Variants in PTPRD observed in about 807,000 individuals in gnomAD.
PTPRD encodes the protein protein tyrosine phosphatase receptor type D.
PTPRD carries 34 observed loss-of-function variants against 214.5 expected under a neutral mutation model. That is an observed-to-expected ratio of 0.16 (90% CI 0.12 to 0.21). The LOEUF is 0.21. Ranked by LOEUF, PTPRD falls within the 10% of genes least tolerant of loss-of-function variation. The pLI is 1.00. For missense variants in PTPRD, 2,545 were observed against 2,398.7 expected (o/e 1.06, Z -1.27); for synonymous variants, 1,128 against 845.7 (o/e 1.33, Z -5.79).
At chr9:10,094,043 A>G (rs1427691522) in intron 3 of PTPRD, among the ~76,000 whole-genome samples, 1 of 151,374 alleles carries the variant, frequency 6.6e-6, no homozygotes, top group Admixed American at 6.6e-5. Context: ...GCATCATGCA[A>G]TATATCCACA....
chr9:8,321,823 T>C (rs1334314329), intron 44 of PTPRD, among the ~76,000 whole-genome samples: 1 of 152,026 alleles, frequency 6.6e-6, no homozygotes, highest in African/African-American at 2.4e-5. Context: ...CACTGTTTTA[T>C]TGTGCTATAC....
chr9:8,781,921 T>A (rs2095715531), intron 11 of PTPRD, among the ~76,000 whole-genome samples: 1 of 152,130 alleles, frequency 6.6e-6, no homozygotes, highest in South Asian at 2.1e-4. Context: ...CATAAGACAT[T>A]CTAGTAAATC....
intron 2 of PTPRD, among the ~76,000 whole-genome samples, chr9:10,525,832 T>G (rs1474005944): frequency 6.6e-6 from 1 of 151,960 alleles, no homozygotes; most frequent in African/African-American, 2.4e-5. Flanking sequence ...CTTTCCACTT[T>G]GTTTTTACAT....
At chr9:8,925,498 C>T (rs1210551960) in intron 11 of PTPRD, among the ~76,000 whole-genome samples, 1 of 149,594 alleles carries the variant, frequency 6.7e-6, no homozygotes, top group African/African-American at 2.4e-5. Context: ...TTCCCCGAAA[C>T]AGAAAAACAA....
chr9:8,702,055 G>T (rs893564214), intron 12 of PTPRD, among the ~76,000 whole-genome samples: 2 of 151,740 alleles, frequency 1.3e-5, no homozygotes, highest in East Asian at 1.9e-4. Flanking sequence ...TTTTTTTAAC[G>T]TGAGGACTCT....
chr9:9,947,593 T>G (rs2092935257), intron 4 of PTPRD, among the ~76,000 whole-genome samples: 1 of 55,518 alleles, frequency 1.8e-5, no homozygotes, highest in Non-Finnish European at 2.9e-5. Flanking sequence ...ATATTATATA[T>G]ATAATATATA....
chr9:8,644,044 G>A (rs769254810), intron 12 of PTPRD, among the ~76,000 whole-genome samples: 2 of 152,172 alleles, frequency 1.3e-5, no homozygotes, highest in African/African-American at 2.4e-5. Context: ...CATCCCCTCT[G>A]AGGCCCATAA....
chr9:9,399,688 C>A (rs2069408470), intron 8 of PTPRD, among the ~76,000 whole-genome samples: 1 of 151,954 alleles, frequency 6.6e-6, no homozygotes, highest in African/African-American at 2.4e-5. Flanking sequence ...GTGAAGAGGT[C>A]TCATGAGATC....
chr9:10,068,740 A>T, intron 3 of PTPRD, among the ~76,000 whole-genome samples: 1 of 151,970 alleles, frequency 6.6e-6, no homozygotes, highest in East Asian at 1.9e-4. Flanking sequence ...AAGTTGGAGC[A>T]GGTGGAAGGC....
At chr9:10,554,195 C>T (rs955301103) in intron 2 of PTPRD, among the ~76,000 whole-genome samples, 4 of 152,138 alleles carry the variant, frequency 2.6e-5, no homozygotes, top group African/African-American at 9.7e-5. Context: ...GTTCCTTGCC[C>T]TTAAATGGAA....
intron 6 of PTPRD, among the ~76,000 whole-genome samples, chr9:9,735,433 AAG>A (rs1335275997): frequency 1.3e-5 from 2 of 152,126 alleles, no homozygotes; most frequent in African/African-American, 4.8e-5. Context: ...CTTTCTTTGA[AAG>A]AGAATGGAGA....
intron 8 of PTPRD, among the ~76,000 whole-genome samples, chr9:9,516,253 C>T (rs2096835520): frequency 6.6e-6 from 1 of 152,058 alleles, no homozygotes; most frequent in Non-Finnish European, 1.5e-5. Context: ...TTTTAACTCC[C>T]ATCCATATTT....
chr9:9,882,716 G>C (rs2069197652), intron 5 of PTPRD, among the ~76,000 whole-genome samples: 1 of 151,766 alleles, frequency 6.6e-6, no homozygotes, highest in Non-Finnish European at 1.5e-5. Flanking sequence ...TTGTCCACAT[G>C]ACCCTCCCCA....
chr9:9,328,056 T>G (rs994339602), intron 9 of PTPRD, among the ~76,000 whole-genome samples: 1 of 152,150 alleles, frequency 6.6e-6, no homozygotes, highest in African/African-American at 2.4e-5. Flanking sequence ...TGTTGTCTGT[T>G]GAGTCAAAAG....
chr9:9,921,457 C>T (rs2082513316), intron 5 of PTPRD, among the ~76,000 whole-genome samples: 1 of 151,774 alleles, frequency 6.6e-6, no homozygotes, highest in African/African-American at 2.4e-5. Flanking sequence ...GACACTCACA[C>T]ATATAATTAA....
At chr9:8,687,781 A>C (rs1358963366) in intron 12 of PTPRD, among the ~76,000 whole-genome samples, 2 of 151,960 alleles carry the variant, frequency 1.3e-5, no homozygotes, top group Non-Finnish European at 2.9e-5. Context: ...TTCTCAGAGT[A>C]AGTTTCACAT....
At chr9:10,564,601 T>A (rs758866362) in intron 2 of PTPRD, among the ~76,000 whole-genome samples, 1 of 152,012 alleles carries the variant, frequency 6.6e-6, no homozygotes, top group Non-Finnish European at 1.5e-5. Flanking sequence ...GGAGGCAACA[T>A]CCCTGTTGAA....
At chr9:10,356,285 T>C (rs1055848569) in intron 2 of PTPRD, among the ~76,000 whole-genome samples, 1 of 152,178 alleles carries the variant, frequency 6.6e-6, no homozygotes, top group African/African-American at 2.4e-5. Context: ...TCAGGAATTG[T>C]CTGTTCCATG....
At chr9:8,515,892 C>T (rs1327416653) in intron 21 of PTPRD, among the ~76,000 whole-genome samples, 1 of 152,114 alleles carries the variant, frequency 6.6e-6, no homozygotes, top group African/African-American at 2.4e-5. Context: ...CCACTACACT[C>T]TATAAGGTGG....
Sources: allele counts gnomAD v4.1 joint callset (sites outside exome capture counted in the v4.1 genomes callset), GRCh38; gene constraint gnomAD v4.1.1; transcripts MANE v1.5; gene names NCBI Gene and HGNC (gene_info 2026-07-23, HGNC 2026-07-21).